Variants in CDH2 observed in about 807,000 individuals in gnomAD.
The protein encoded by CDH2 is cadherin 2.
CDH2 carries 17 observed loss-of-function variants against 92.0 expected under a neutral mutation model. That is an observed-to-expected ratio of 0.18 (90% CI 0.13 to 0.28). CDH2 has a LOEUF of 0.28. CDH2 is among the 10% of genes least tolerant of loss of function. The pLI is 1.00. For missense variants in CDH2, 862 were observed against 1,133.1 expected, an observed-to-expected ratio of 0.76 and a Z score of 3.44; for synonymous variants, 419 against 415.9, an observed-to-expected ratio of 1.01 and a Z score of -0.09.
At chr18:28,160,196 T>C (rs1415729056) in intron 1 of CDH2, among the ~76,000 whole-genome samples, 3 of 150,942 alleles carry the variant, frequency 2.0e-5, no homozygotes, top group East Asian at 1.9e-4. Flanking sequence ...GGAAAGACTA[T>C]AGGCCAAGGA....
At chr18:28,005,805 A>G in intron 6 of CDH2, 44 bp downstream of exon 6, 5 of 1,512,348 alleles carry the variant, frequency 3.3e-6, no homozygotes, top group Non-Finnish European at 4.5e-6. Context: ...TGGTTACACC[A>G]TACTTTCCTC....
intron 1 of CDH2, among the ~76,000 whole-genome samples, chr18:28,156,595 C>T (rs78327202): frequency 6.3e-3 from 146 of 23,088 alleles, no homozygotes; most frequent in East Asian, 0.011. Flanking sequence ...TTCCCAGGTA[C>T]AGCATGTCAC....
downstream of CDH2, among the ~76,000 whole-genome samples, chr18:27,946,271 C>T (rs552067070): frequency 5.9e-5 from 9 of 151,724 alleles, no homozygotes; most frequent in Non-Finnish European, 1.3e-4. Context: ...TATTCTGTAT[C>T]GATAAATATA....
At chr18:28,022,049 T>C (rs1255305086) in intron 2 of CDH2, among the ~76,000 whole-genome samples, 1 of 152,028 alleles carries the variant, frequency 6.6e-6, no homozygotes, top group Non-Finnish European at 1.5e-5. Context: ...GCCACAACAG[T>C]AAGTGTTTCA....
At chr18:27,987,827 T>C (rs2143962108) in intron 11 of CDH2, among the ~76,000 whole-genome samples, 1 of 152,188 alleles carries the variant, frequency 6.6e-6, no homozygotes, top group East Asian at 1.9e-4. Flanking sequence ...ATCCCACAGA[T>C]TCAAAGTGGG....
intron 2 of CDH2, among the ~76,000 whole-genome samples, chr18:28,130,579 G>A (rs752941210): frequency 4.6e-5 from 7 of 152,208 alleles, no homozygotes; most frequent in Admixed American, 1.3e-4. Context: ...TAGCTGAGAT[G>A]CAGAAGACAG....
At chr18:28,018,875 A>T (rs1196397417) in intron 2 of CDH2, among the ~76,000 whole-genome samples, 13 of 94,726 alleles carry the variant, frequency 1.4e-4, no homozygotes, top group East Asian at 6.5e-4. Context: ...ACACACGTTT[A>T]TATATATATA....
intron 1 of CDH2, among the ~76,000 whole-genome samples, chr18:28,171,570 T>TA (rs1294828382): frequency 6.6e-6 from 1 of 152,150 alleles, no homozygotes; most frequent in Non-Finnish European, 1.5e-5. Context: ...TTCAGGCATA[T>TA]AAAAAATATA....
At chr18:28,006,571 A>G (rs2012926047) in intron 5 of CDH2, among the ~76,000 whole-genome samples, 1 of 151,548 alleles carries the variant, frequency 6.6e-6, no homozygotes, top group Admixed American at 6.6e-5. Context: ...TACAAAAAAA[A>G]AAAAATTAGC....
chr18:28,122,919 C>T (rs1148381), intron 2 of CDH2, among the ~76,000 whole-genome samples: 36,686 of 151,834 alleles, frequency 0.24, 4,726 homozygotes, highest in East Asian at 0.34. Context: ...AATAGGACAA[C>T]CTTTATCAAG....
At chr18:28,176,877 G>A in intron 1 of CDH2, 86 bp downstream of exon 1, 5 of 717,730 alleles carry the variant, frequency 7.0e-6, no homozygotes, top group Admixed American at 5.7e-5. Context: ...GCGCAGCCCG[G>A]CCCCGCAGCG....
At chr18:27,962,901 A>T (rs1180196191) in intron 15 of CDH2, among the ~76,000 whole-genome samples, 9 of 152,120 alleles carry the variant, frequency 5.9e-5, no homozygotes, top group Admixed American at 5.9e-4. Context: ...CTTCCAACTA[A>T]TCTCTTTTGA....
intron 2 of CDH2, among the ~76,000 whole-genome samples, chr18:28,077,173 A>T (rs897168843): frequency 6.6e-6 from 1 of 152,170 alleles, no homozygotes; most frequent in Non-Finnish European, 1.5e-5. Flanking sequence ...CACTGGCCAC[A>T]CTGCTTGCTG....
intron 7 of CDH2, among the ~76,000 whole-genome samples, chr18:27,999,021 T>C (rs978216217): frequency 6.6e-6 from 1 of 152,222 alleles, no homozygotes; most frequent in Non-Finnish European, 1.5e-5. Context: ...ATATACTTTC[T>C]GTGTAACACA....
intron 1 of CDH2, among the ~76,000 whole-genome samples, chr18:28,167,001 T>G (rs575726614): frequency 5.9e-5 from 9 of 152,060 alleles, no homozygotes; most frequent in African/African-American, 1.7e-4. Flanking sequence ...TGTGTGGAAG[T>G]AGAAACCCCT....
chr18:28,061,458 C>A (rs1481763263), intron 2 of CDH2, among the ~76,000 whole-genome samples: 2 of 152,088 alleles, frequency 1.3e-5, no homozygotes, highest in Non-Finnish European at 2.9e-5. Flanking sequence ...GCCTAGCCAA[C>A]ACGATGAAAC....
At chr18:27,985,922 A>C (rs1237750443) in intron 11 of CDH2, among the ~76,000 whole-genome samples, 161 bp from the exon 12 acceptor site, 1 of 152,132 alleles carries the variant, frequency 6.6e-6, no homozygotes, top group Non-Finnish European at 1.5e-5. Context: ...TTCCAGAACA[A>C]AGCCCCTTCT....
intron 2 of CDH2, among the ~76,000 whole-genome samples, chr18:28,124,758 G>C (rs2015649165): frequency 6.6e-6 from 1 of 152,130 alleles, no homozygotes; most frequent in African/African-American, 2.4e-5. Context: ...TCTAGCCCAG[G>C]AACTGAATTC....
chr18:28,061,869 T>A (rs941042008), intron 2 of CDH2, among the ~76,000 whole-genome samples: 1 of 152,054 alleles, frequency 6.6e-6, no homozygotes, highest in African/African-American at 2.4e-5. Flanking sequence ...CATGAGAATA[T>A]CAAGGGAAAA....
Sources: allele counts gnomAD v4.1 joint callset (sites outside exome capture counted in the v4.1 genomes callset), GRCh38; gene constraint gnomAD v4.1.1; transcripts MANE v1.5; gene names NCBI Gene and HGNC (gene_info 2026-07-23, HGNC 2026-07-21).